MYO3B: variants seen among roughly 807,000 people sequenced by gnomAD.
MYO3B encodes myosin IIIB, also known as myosin-IIIb.
In MYO3B, 156 loss-of-function variants were observed where a neutral mutation model predicts 174.6. That is an observed-to-expected ratio of 0.89 (90% CI 0.78 to 1.02). The LOEUF (loss-of-function observed/expected upper bound fraction) is 1.02. MYO3B is among the 50% of genes least tolerant of loss of function. The pLI, the probability that MYO3B is intolerant of heterozygous loss-of-function variation, is 0.00. For synonymous variants in MYO3B, 563 were observed against 569.1 expected (o/e 0.99, Z 0.15); for missense variants, 1,632 against 1,639.4 (o/e 1.00, Z 0.08).
chr2:170,508,424 A>T (rs536752606), intron 28 of MYO3B, among the ~76,000 whole-genome samples: 3 of 152,346 alleles, frequency 2.0e-5, no homozygotes, highest in African/African-American at 7.2e-5. Flanking sequence ...ACACAATAGT[A>T]AAGAAACGTT....
intron 3 of MYO3B, among the ~76,000 whole-genome samples, chr2:170,212,552 A>T (rs887926828): frequency 1.3e-5 from 2 of 152,186 alleles, no homozygotes; most frequent in Non-Finnish European, 2.9e-5. Flanking sequence ...GTTCCACCAA[A>T]ACGGGGTTTT....
At chr2:170,397,513 T>A (rs928541181) in intron 16 of MYO3B, among the ~76,000 whole-genome samples, 3 of 152,240 alleles carry the variant, frequency 2.0e-5, no homozygotes, top group African/African-American at 7.2e-5. Context: ...TGTAAGTTTT[T>A]AAATAAGTAA....
intron 32 of MYO3B, among the ~76,000 whole-genome samples, chr2:170,598,691 G>T (rs1694301768): frequency 6.6e-6 from 1 of 152,104 alleles, no homozygotes; most frequent in South Asian, 2.1e-4. Context: ...TAAGGATGTG[G>T]GCTCTGGACT....
chr2:170,236,030 G>C lies in MYO3B; in HGVS notation c.643G>C (p.Ala215Pro). 6.2e-7 allele frequency: 1 copy of C among 1,613,936 alleles called. No individual in the cohort carries two copies. The highest frequency in any genetic ancestry group is 8.5e-7 in the Non-Finnish European group (1 of 1,179,986). ...CEQQYDSSYD[A>P]RCDVWSLGIT... ...GCAGCAGTATGACTCTTCCTATGAC[G>C]CTCGCTGTGACGTCTGGTCCTTGGG... The change falls in exon 7 of 35, where the codon GCT becomes CCT. Residue 215 changes from alanine to proline, a missense_variant. Transcript: ENST00000408978.
chr2:170,636,127 T>A (rs1047966890), intron 32 of MYO3B, among the ~76,000 whole-genome samples: 1 of 151,996 alleles, frequency 6.6e-6, no homozygotes, highest in African/African-American at 2.4e-5. Context: ...CATATTCCAG[T>A]TACCTTATTA....
rs1326555852 is a variant in MYO3B at position 170,184,933 on chromosome 2, G to A, written c.2+6644G>A. Among the ~76,000 whole-genome samples, 4 of 152,042 alleles carry A rather than the reference G, an allele frequency of 2.6e-5. 1 individual carries two copies. Among genetic ancestry groups the A allele is most frequent in the Admixed American group, 2.6e-4 (4 of 15,260 alleles). On this transcript the variant is annotated intron_variant, in intron 1 of 34. Coordinates refer to ENST00000408978, the MANE Select transcript of MYO3B (RefSeq NM_138995.5). The stretch of plus-strand genomic sequence containing the variant: ...TTGTAATTTTGATTTACATTTCTCT[G>A]ATTATTGATTTTGAGCACCTTTTCA...
intron 30 of MYO3B, among the ~76,000 whole-genome samples, chr2:170,533,245 T>C (rs2106177686): frequency 6.6e-6 from 1 of 152,282 alleles, no homozygotes; most frequent in Non-Finnish European, 1.5e-5. Flanking sequence ...TGTAAAAGTT[T>C]CTGAAAATGT....
intron 8 of MYO3B, among the ~76,000 whole-genome samples, chr2:170,360,486 A>G (rs1479583466): frequency 6.6e-6 from 1 of 152,242 alleles, no homozygotes; most frequent in Non-Finnish European, 1.5e-5. Context: ...TGATCAGGGC[A>G]TCTACTATCA....
intron 7 of MYO3B, among the ~76,000 whole-genome samples, chr2:170,274,769 A>G (rs1172884082): frequency 1.3e-5 from 2 of 152,228 alleles, no homozygotes; most frequent in African/African-American, 2.4e-5. Context: ...ATTTTAACTT[A>G]ATAAACTTAA....
intron 25 of MYO3B, among the ~76,000 whole-genome samples, chr2:170,473,196 G>A (rs1279195980): frequency 2.3e-5 from 3 of 130,204 alleles, no homozygotes; most frequent in African/African-American, 8.6e-5. Flanking sequence ...AGGCTGGAGT[G>A]TAGTGGGGTG....
Position 170,391,574 on chromosome 2 carries a change from AAAG to A in MYO3B, c.1636_1638del (p.Lys546del). The A allele has an allele frequency of 1.3e-6, 2 of 1,586,634 alleles. No homozygotes were observed. The highest frequency in any genetic ancestry group is 1.7e-6 in the Non-Finnish European group (2 of 1,170,382). On this transcript the variant is annotated inframe_deletion, in exon 15 of 35. Transcript: ENST00000408978. Reference sequence around the variant, plus strand: ...ATATTTATGCTGGTCTTCATCACCAAAAGAAGCTTTCTGATTTCAGACTTCCTG... The same window carrying A: ...ATATTTATGCTGGTCTTCATCACCAAAAGCTTTCTGATTTCAGACTTCCTG...
At chr2:170,316,348 A>G (rs550033304) in intron 7 of MYO3B, among the ~76,000 whole-genome samples, 2 of 152,232 alleles carry the variant, frequency 1.3e-5, no homozygotes, top group Non-Finnish European at 2.9e-5. Flanking sequence ...AGTTCTTAAA[A>G]TGGTCTTTAA....
chr2:170,626,692 T>C (rs1696467478), intron 32 of MYO3B, among the ~76,000 whole-genome samples: 1 of 152,236 alleles, frequency 6.6e-6, no homozygotes, highest in African/African-American at 2.4e-5. Flanking sequence ...GTACCAGTTG[T>C]TCCTTTCCAT....
At chr2:170,484,669 G>A (rs1251545951) in intron 25 of MYO3B, among the ~76,000 whole-genome samples, 1 of 152,168 alleles carries the variant, frequency 6.6e-6, no homozygotes, top group Non-Finnish European at 1.5e-5. Context: ...TAATAGCACA[G>A]ATTAGTGCAA....
At chr2:170,372,578 A>G (rs879818040) in intron 9 of MYO3B, among the ~76,000 whole-genome samples, 1 of 152,222 alleles carries the variant, frequency 6.6e-6, no homozygotes, top group African/African-American at 2.4e-5. Context: ...CAGAGGGACT[A>G]CAAAGGCAAA....
intron 30 of MYO3B, among the ~76,000 whole-genome samples, chr2:170,525,289 G>A (rs1288910656): frequency 6.6e-6 from 1 of 152,188 alleles, no homozygotes; most frequent in African/African-American, 2.4e-5. Context: ...CTTCCTATGT[G>A]AGCCTGTAAC....
intron 8 of MYO3B, chr2:170,341,433 G>C (rs76955514): frequency 1.3e-5 from 2 of 152,158 alleles, no homozygotes; most frequent in Non-Finnish European, 2.9e-5. Flanking sequence ...ATACTTCCTA[G>C]AGTAGAAGGA....
intron 6 of MYO3B, among the ~76,000 whole-genome samples, chr2:170,222,692 T>A (rs1461267822): frequency 6.6e-6 from 1 of 152,208 alleles, no homozygotes; most frequent in Non-Finnish European, 1.5e-5. Flanking sequence ...CAACTAATTG[T>A]ATATACAGTG....
chr2:170,538,166 T>A (rs569230630), intron 30 of MYO3B, among the ~76,000 whole-genome samples: 1 of 152,318 alleles, frequency 6.6e-6, no homozygotes, highest in South Asian at 2.1e-4. Context: ...AGCCAGTTAC[T>A]AGGCAAGCTT....
Sources: allele counts gnomAD v4.1 joint callset (sites outside exome capture counted in the v4.1 genomes callset), GRCh38; gene constraint gnomAD v4.1.1; transcripts MANE v1.5; gene names NCBI Gene and HGNC (gene_info 2026-07-23, HGNC 2026-07-21).